FRMPD3: variants seen among roughly 807,000 people sequenced by gnomAD.
FRMPD3 encodes FERM and PDZ domain containing 3.
In FRMPD3, 42 loss-of-function variants were observed where a neutral mutation model predicts 97.9. That is an observed-to-expected ratio of 0.43 (90% CI 0.34 to 0.55). The LOEUF is 0.55. Among genes scored for constraint, FRMPD3 ranks in the 20% least tolerant of loss-of-function variants. FRMPD3 has a pLI of 0.03. For missense variants in FRMPD3, 1,303 were observed against 1,457.7 expected, an observed-to-expected ratio of 0.89 and a Z score of 1.73; for synonymous variants, 577 against 581.1, an observed-to-expected ratio of 0.99 and a Z score of 0.10.
At chrX:107,542,989 T>C (rs1165203223) in intron 4 of FRMPD3, among the ~76,000 whole-genome samples, 5 of 111,902 alleles carry the variant, frequency 4.5e-5, no homozygotes, top group Non-Finnish European at 9.4e-5. Context: ...CAACATATCA[T>C]CCTAATTCAG....
At chrX:107,461,324 T>C (rs1931467519) in intron 1 of FRMPD3, among the ~76,000 whole-genome samples, 1 of 111,643 alleles carries the variant, frequency 9.0e-6, no homozygotes, top group Non-Finnish European at 1.9e-5. Flanking sequence ...CCTGCCCCTC[T>C]TCAGCAGGCT....
chrX:107,489,334 C>T (rs1921592417), intron 1 of FRMPD3, among the ~76,000 whole-genome samples: 1 of 111,305 alleles, frequency 9.0e-6, no homozygotes, highest in South Asian at 3.9e-4. Flanking sequence ...GTTTTATAAT[C>T]CTCTTGGTAT....
intron 1 of FRMPD3, among the ~76,000 whole-genome samples, chrX:107,512,453 A>G (rs1359744927): frequency 9.0e-6 from 1 of 111,688 alleles, no homozygotes; most frequent in Non-Finnish European, 1.9e-5. Flanking sequence ...GCCTTCCCCA[A>G]GCCTAAACTT....
chrX:107,584,300 T>C (rs1325161115), intron 13 of FRMPD3, among the ~76,000 whole-genome samples: 1 of 111,875 alleles, frequency 8.9e-6, no homozygotes, highest in Non-Finnish European at 1.9e-5. Context: ...TTGTTTTTTT[T>C]CCTTGTAAAT....
At chrX:107,465,629 A>G (rs1003030293) in intron 1 of FRMPD3, among the ~76,000 whole-genome samples, 6 of 111,821 alleles carry the variant, frequency 5.4e-5, no homozygotes, top group African/African-American at 2.0e-4. Flanking sequence ...ACAACCACCT[A>G]TAATGTGTGG....
rs1302784237 is a variant in FRMPD3 at position 107,449,819 on chromosome X, C to T, written c.-194C>T. Among the ~76,000 whole-genome samples the T allele has an allele frequency of 9.2e-6, 1 of 108,192 alleles. No individual in the cohort carries two copies. The highest frequency in any genetic ancestry group is 9.6e-5 in the Admixed American group (1 of 10,471). 94.0% of individuals were successfully genotyped at this position (108,192 alleles called of 115,157 possible). A position where few individuals can be genotyped will look rare whatever the true frequency, so the allele number is the denominator to read the frequency against. ...GGGCCAGCTGCTGCCGCCCTGCCAA[C>T]CTCTGCCCGCCCCGCCGCCCGGCGC... On this transcript the variant is annotated 5_prime_UTR_variant, in exon 1 of 15. Coordinates refer to ENST00000683843, the MANE Select transcript of FRMPD3 (RefSeq NM_001388459.1).
chrX:107,544,384 C>T (rs1921477911), intron 4 of FRMPD3, among the ~76,000 whole-genome samples: 1 of 111,704 alleles, frequency 9.0e-6, no homozygotes, highest in South Asian at 3.8e-4. Context: ...AAATAATACC[C>T]TCACTACTCC....
At chrX:107,578,145 G>A (rs1181578185) in intron 13 of FRMPD3, among the ~76,000 whole-genome samples, 1 of 112,051 alleles carries the variant, frequency 8.9e-6, no homozygotes, top group African/African-American at 3.2e-5. Flanking sequence ...TAGAGAGGGA[G>A]AAAATGAAAA....
chrX:107,569,286 C>T (rs1286342975), intron 12 of FRMPD3, among the ~76,000 whole-genome samples: 2 of 85,500 alleles, frequency 2.3e-5, no homozygotes, highest in Non-Finnish European at 4.5e-5. Flanking sequence ...CAGAGCGAGA[C>T]TCCATCTCAA....
chrX:107,533,367 A>C (rs1368748286), intron 3 of FRMPD3, 138 bp from the exon 4 acceptor site: 4 of 477,312 alleles, frequency 8.4e-6, no homozygotes, highest in Non-Finnish European at 1.4e-5. Context: ...TGAAGTGTCC[A>C]TGCAGACACT....
rs757178483 is a variant in FRMPD3 at position 107,602,749 on chromosome X, C to T, written c.4710C>T (p.Phe1570=). ...TQEIDLRVST[F]EGSLAKINAL... is the part of the protein sequence containing the mutation. ...AGATTGACCTCCGTGTGTCCACCTT[C>T]GAGGGGAGCCTGGCCAAGATCAATG... Residue 1570 remains phenylalanine, a synonymous_variant, in exon 15 of 15, where the codon TTC becomes TTT. Coordinates refer to ENST00000683843, the MANE Select transcript of FRMPD3 (RefSeq NM_001388459.1). 96 of 1,208,424 alleles carry T rather than the reference C, an allele frequency of 7.9e-5. No individual in the cohort carries two copies. The highest frequency in any genetic ancestry group is 1.7e-4 in the Admixed American group (8 of 45,929).
chrX:107,568,053 C>G (rs996670890), intron 12 of FRMPD3, among the ~76,000 whole-genome samples: 1 of 110,221 alleles, frequency 9.1e-6, no homozygotes, highest in Non-Finnish European at 1.9e-5. Flanking sequence ...TTCATGGGTC[C>G]CAAGTACTCT....
intron 4 of FRMPD3, among the ~76,000 whole-genome samples, chrX:107,541,379 C>T (rs1049217687): frequency 8.9e-6 from 1 of 112,299 alleles, no homozygotes; most frequent in Admixed American, 9.4e-5. Flanking sequence ...CTAGCACAGA[C>T]CAGCTGGCAA....
At chrX:107,515,990 A>G (rs1233783361) in intron 1 of FRMPD3, among the ~76,000 whole-genome samples, 2 of 107,321 alleles carry the variant, frequency 1.9e-5, no homozygotes, top group Middle Eastern at 4.2e-3. Flanking sequence ...TCATCATTTA[A>G]CGTTAGGTAT....
At chrX:107,502,693 A>G (rs770642545) in intron 1 of FRMPD3, among the ~76,000 whole-genome samples, 2 of 112,425 alleles carry the variant, frequency 1.8e-5, no homozygotes, top group Non-Finnish European at 3.8e-5. Context: ...CCACCAAAAA[A>G]AAGCCCTTGA....
chrX:107,566,937 G>A (rs927857222), intron 12 of FRMPD3, among the ~76,000 whole-genome samples: 5 of 111,291 alleles, frequency 4.5e-5, no homozygotes, highest in Admixed American at 3.8e-4. Context: ...CCCTGGAGAG[G>A]CTACATTGTC....
intron 13 of FRMPD3, among the ~76,000 whole-genome samples, chrX:107,578,357 C>G (rs1923225412): frequency 1.8e-5 from 2 of 112,024 alleles, no homozygotes. Context: ...ATAGTGGCAC[C>G]AAGCACAAGA....
chrX:107,545,773 G>A lies in FRMPD3; in HGVS notation c.334G>A (p.Ala112Thr), dbSNP rs1196828545. The A allele has an allele frequency of 2.5e-6, 3 of 1,208,664 alleles. No homozygotes were observed. The highest frequency in any genetic ancestry group is 3.4e-6 in the Non-Finnish European group (3 of 894,854). The change falls in exon 5 of 15, where the codon GCC (alanine) becomes ACC (threonine). Residue 112 changes from alanine (A) to threonine (T), a missense_variant. By Grantham distance (58) the Ala-to-Thr change is moderately conservative (BLOSUM62 0). This residue lies in a region of FRMPD3 where 535 missense variants were observed against 618.6 expected (regional missense o/e 0.86). Transcript: ENST00000683843. The part of the protein sequence containing the change: ...KSAFISAAKK[A>T]KLRSNPVKVR... ...TGCTTTCATCAGTGCTGCGAAGAAG[G>A]CCAAGTTGAGGTCCAATCCTGTGAA... is the stretch of plus-strand genomic sequence containing the variant.
chrX:107,524,680 T>C lies in FRMPD3; in HGVS notation c.-7-1902T>C, dbSNP rs189018015. Among the ~76,000 whole-genome samples, 252 of 112,956 alleles carry C rather than the reference T, an allele frequency of 2.2e-3. 1 individual carries two copies. The highest frequency in any genetic ancestry group is 7.7e-3 in the African/African-American group (241 of 31,148). ...GCATTTGCTACTGATGAATTTGATA[T>C]TCTTAGCTAATAAAGAATTGCATTG... On this transcript the variant is annotated intron_variant, in intron 1 of 14. Transcript: ENST00000683843.
Sources: gnomAD v4.1 joint callset for allele counts (sites outside exome capture counted in the v4.1 genomes callset) on GRCh38, gnomAD v4.1.1 for gene constraint, gnomAD v4.1.1 regional missense constraint, MANE v1.5 for transcripts, NCBI Gene and HGNC (gene_info 2026-07-23, HGNC 2026-07-21) for gene names.